ENTREP2: variants seen among roughly 807,000 people sequenced by gnomAD.
ENTREP2 encodes the protein protein ENTREP2.
At chr15:29,180,556 C>T in the ENTREP2 span, among the ~76,000 whole-genome samples, 2 of 151,870 alleles carry the variant, frequency 1.3e-5, no homozygotes, top group African/African-American at 2.4e-5. Flanking sequence ...CCCAGCTACT[C>T]GGGAGGCTGA....
chr15:29,530,860 C>G, the ENTREP2 span, among the ~76,000 whole-genome samples: 1 of 152,190 alleles, frequency 6.6e-6, no homozygotes, highest in Non-Finnish European at 1.5e-5. Context: ...TGACAGAGTT[C>G]CAACCACAGG....
At chr15:29,608,889 G>C in the ENTREP2 span, among the ~76,000 whole-genome samples, 1 of 152,028 alleles carries the variant, frequency 6.6e-6, no homozygotes, top group Admixed American at 6.6e-5. Context: ...CTTACTGTGG[G>C]CACCTGAACT....
chr15:29,222,141 G>C, the ENTREP2 span, among the ~76,000 whole-genome samples: 3 of 152,138 alleles, frequency 2.0e-5, no homozygotes, highest in East Asian at 1.9e-4. Flanking sequence ...AGGTCATAAA[G>C]ACCTTGCTGA....
the ENTREP2 span, among the ~76,000 whole-genome samples, chr15:29,218,625 C>T: frequency 6.6e-6 from 1 of 152,090 alleles, no homozygotes. Context: ...GGCACACAGA[C>T]CAATGGAATA....
At chr15:29,189,885 A>G in the ENTREP2 span, among the ~76,000 whole-genome samples, 1 of 152,224 alleles carries the variant, frequency 6.6e-6, no homozygotes, top group Non-Finnish European at 1.5e-5. Flanking sequence ...AAGCCGAGAC[A>G]CTGTTTCATC....
chr15:29,402,389 C>T, the ENTREP2 span, among the ~76,000 whole-genome samples: 14 of 151,996 alleles, frequency 9.2e-5, no homozygotes, highest in African/African-American at 3.4e-4. Context: ...GATCACAGCT[C>T]ACTGTGACCT....
the ENTREP2 span, among the ~76,000 whole-genome samples, chr15:29,658,394 C>G: frequency 6.6e-6 from 1 of 152,156 alleles, no homozygotes; most frequent in African/African-American, 2.4e-5. Flanking sequence ...ATAAATTACC[C>G]AGTCTCGAGT....
the ENTREP2 span, among the ~76,000 whole-genome samples, chr15:29,639,871 C>T: frequency 2.2e-5 from 3 of 136,716 alleles, no homozygotes; most frequent in Admixed American, 7.1e-5. Flanking sequence ...CAGGTTCAAG[C>T]GATTCTCCTG....
the ENTREP2 span, among the ~76,000 whole-genome samples, chr15:29,295,172 T>G: frequency 6.6e-6 from 1 of 152,216 alleles, no homozygotes; most frequent in Non-Finnish European, 1.5e-5. Context: ...GAGGAAATAA[T>G]GAATGAACTG....
chr15:29,645,036 G>A, the ENTREP2 span, among the ~76,000 whole-genome samples: 1 of 152,104 alleles, frequency 6.6e-6, no homozygotes, highest in Non-Finnish European at 1.5e-5. Context: ...GGGAAACACG[G>A]CAAGGTGCCA....
chr15:29,449,188 G>T, the ENTREP2 span, among the ~76,000 whole-genome samples: 1 of 152,154 alleles, frequency 6.6e-6, no homozygotes, highest in African/African-American at 2.4e-5. Flanking sequence ...AGAACAGAGG[G>T]GTCTCTGTGA....
the ENTREP2 span, among the ~76,000 whole-genome samples, chr15:29,304,546 C>T: frequency 7.9e-5 from 12 of 152,210 alleles, no homozygotes; most frequent in Non-Finnish European, 1.6e-4. Flanking sequence ...AGCCATCTTA[C>T]CTGTTCCCTC....
the ENTREP2 span, among the ~76,000 whole-genome samples, chr15:29,667,983 T>G: frequency 6.6e-6 from 1 of 152,066 alleles, no homozygotes; most frequent in Non-Finnish European, 1.5e-5. Context: ...CTACCCATTC[T>G]CCTTAAAACT....
At chr15:29,241,872 C>A in the ENTREP2 span, among the ~76,000 whole-genome samples, 1 of 151,962 alleles carries the variant, frequency 6.6e-6, no homozygotes, top group Admixed American at 6.6e-5. Context: ...CCCCCACCAC[C>A]ACCCTTACAA....
the ENTREP2 span, among the ~76,000 whole-genome samples, chr15:29,419,734 A>T: frequency 6.6e-6 from 1 of 152,242 alleles, no homozygotes; most frequent in South Asian, 2.1e-4. Context: ...AGAAGTAACA[A>T]AAAGACTGGT....
At chr15:29,479,039 C>T in the ENTREP2 span, among the ~76,000 whole-genome samples, 2 of 102,160 alleles carry the variant, frequency 2.0e-5, no homozygotes, top group Non-Finnish European at 3.9e-5. Flanking sequence ...CTAAAAAATA[C>T]AAAAAAAAAA....
chr15:29,669,811 C>A, the ENTREP2 span, among the ~76,000 whole-genome samples: 3 of 152,172 alleles, frequency 2.0e-5, no homozygotes, highest in South Asian at 6.2e-4. Flanking sequence ...ATGACATGCT[C>A]ATTTCAATGA....
chr15:29,461,132 A>G, the ENTREP2 span, among the ~76,000 whole-genome samples: 1 of 152,168 alleles, frequency 6.6e-6, no homozygotes, highest in South Asian at 2.1e-4. Context: ...GCCCAACACT[A>G]TCCCATTTTG....
chr15:29,490,419 C>T, the ENTREP2 span, among the ~76,000 whole-genome samples: 1 of 152,234 alleles, frequency 6.6e-6, no homozygotes, highest in East Asian at 1.9e-4. Flanking sequence ...TTTGCGGCTG[C>T]TGGCTCCGGC....
Sources: allele counts gnomAD v4.1 joint callset (sites outside exome capture counted in the v4.1 genomes callset), GRCh38; gene constraint gnomAD v4.1.1; transcripts MANE v1.5; gene names NCBI Gene and HGNC (gene_info 2026-07-23, HGNC 2026-07-21).